SUGCT: variants seen among roughly 807,000 people sequenced by gnomAD.
SUGCT encodes the protein succinyl-CoA:glutarate CoA-transferase.
Under a neutral mutation model 55.0 loss-of-function variants are expected in SUGCT, and 41 were observed. The observed-to-expected ratio is 0.74, with a 90% CI of 0.58 to 0.97. The LOEUF is 0.97. SUGCT is among the 50% of genes least tolerant of loss of function. The pLI, the probability that SUGCT is intolerant of heterozygous loss-of-function variation, is 0.00. For synonymous variants in SUGCT, 187 were observed against 200.4 expected, an observed-to-expected ratio of 0.93 and a Z score of 0.56; for missense variants, 568 against 547.8, an observed-to-expected ratio of 1.04 and a Z score of -0.37.
chr7:40,402,525 C>G (rs1786132362), intron 9 of SUGCT, among the ~76,000 whole-genome samples: 1 of 151,616 alleles, frequency 6.6e-6, no homozygotes, highest in African/African-American at 2.4e-5. Context: ...AAATAAATCC[C>G]CTTAACAATA....
intron 1 of SUGCT, among the ~76,000 whole-genome samples, chr7:40,151,130 A>T (rs1288306089): frequency 1.3e-5 from 2 of 151,946 alleles, no homozygotes; most frequent in East Asian, 3.9e-4. Flanking sequence ...GTACCAGCTA[A>T]TTGGGAGGCT....
chr7:40,535,038 T>A (rs904261942), intron 12 of SUGCT, among the ~76,000 whole-genome samples: 2 of 152,180 alleles, frequency 1.3e-5, no homozygotes, highest in African/African-American at 4.8e-5. Context: ...TTGCATTCAA[T>A]TAAATATAAT....
the SUGCT span, among the ~76,000 whole-genome samples, chr7:40,945,879 A>C: frequency 6.6e-6 from 1 of 152,156 alleles, no homozygotes; most frequent in Non-Finnish European, 1.5e-5. Flanking sequence ...TGCAAGGGTT[A>C]CAGTAATGTG....
At chr7:40,472,960 A>T (rs1232579377) in intron 11 of SUGCT, among the ~76,000 whole-genome samples, 2 of 152,170 alleles carry the variant, frequency 1.3e-5, no homozygotes, top group Admixed American at 6.5e-5. Context: ...ACTTCTTTTC[A>T]GTTGTAGTTT....
chr7:40,238,119 T>C (rs544978235), intron 7 of SUGCT, among the ~76,000 whole-genome samples: 1 of 152,186 alleles, frequency 6.6e-6, no homozygotes, highest in South Asian at 2.1e-4. Flanking sequence ...AGACCACGGA[T>C]GTCCATTTCT....
chr7:40,977,089 C>T, the SUGCT span, among the ~76,000 whole-genome samples: 2 of 152,200 alleles, frequency 1.3e-5, no homozygotes, highest in Non-Finnish European at 2.9e-5. Context: ...AATGTTTTCA[C>T]CTTCTGTACT....
chr7:40,231,536 A>G (rs575331846), intron 6 of SUGCT, among the ~76,000 whole-genome samples: 29 of 152,320 alleles, frequency 1.9e-4, no homozygotes, highest in African/African-American at 7.0e-4. Context: ...AGGATGTAGT[A>G]GCAAGCCATG....
chr7:41,008,368 C>T, the SUGCT span, among the ~76,000 whole-genome samples: 1 of 152,196 alleles, frequency 6.6e-6, no homozygotes, highest in African/African-American at 2.4e-5. Context: ...CTGGAGGAAC[C>T]TCCTGGCTCC....
chr7:40,589,059 T>G (rs1055405867), intron 12 of SUGCT, among the ~76,000 whole-genome samples: 19 of 152,128 alleles, frequency 1.2e-4, no homozygotes, highest in African/African-American at 4.6e-4. Context: ...AATAAAATTT[T>G]TTCTAAACTG....
At chr7:40,532,761 T>C (rs1220857665) in intron 12 of SUGCT, among the ~76,000 whole-genome samples, 2 of 152,184 alleles carry the variant, frequency 1.3e-5, no homozygotes, top group African/African-American at 4.8e-5. Flanking sequence ...GATTCCATTA[T>C]GTCATCCAAA....
intron 10 of SUGCT, among the ~76,000 whole-genome samples, chr7:40,452,748 G>A (rs1789259230): frequency 6.6e-6 from 1 of 152,172 alleles, no homozygotes; most frequent in Non-Finnish European, 1.5e-5. Context: ...CCTTGCTCAT[G>A]TGCACTTAAT....
rs1306637817 is a variant in SUGCT at position 40,749,447 on chromosome 7, G to A, written c.1103G>A (p.Gly368Asp). 18 of 1,613,642 alleles carry A rather than the reference G, an allele frequency of 1.1e-5. No individual in the cohort carries two copies. Among genetic ancestry groups the A allele is most frequent in the Non-Finnish European group, 1.4e-5 (17 of 1,179,688 alleles). ...TTGCCTTTTCAGGTATTACACAATG[G>A]CCTCGTTATGGAGATGGAGCATCCA... ...VFAEPQVLHN[G>D]LVMEMEHPTV... Residue 368 changes from glycine (G) to aspartate (D), a missense_variant, in exon 13 of 14, where the codon GGC becomes GAC. Physicochemically the swap from Gly to Asp is moderately conservative, Grantham distance 94 (BLOSUM62 -1). Coordinates refer to ENST00000335693, the MANE Select transcript of SUGCT (RefSeq NM_001193313.2).
chr7:40,448,864 A>G (rs997954156), intron 9 of SUGCT, among the ~76,000 whole-genome samples: 1 of 151,878 alleles, frequency 6.6e-6, no homozygotes, highest in Non-Finnish European at 1.5e-5. Flanking sequence ...ACATACACAC[A>G]CACACACTCA....
At chr7:40,950,653 GT>G in the SUGCT span, among the ~76,000 whole-genome samples, 2 of 152,086 alleles carry the variant, frequency 1.3e-5, no homozygotes, top group African/African-American at 4.8e-5. Flanking sequence ...TTTATTGAGA[GT>G]TTTTAACATG....
chr7:40,846,344 T>C lies in SUGCT; in HGVS notation c.1154-13972T>C, dbSNP rs548519519. 1.0e-4 allele frequency among the ~76,000 whole-genome samples: 15 copies of C among 149,630 alleles called. No homozygotes were observed. The South Asian group carries it at 3.2e-3, about 32-fold the overall frequency. ...ACCCTTTTGAGTATTCGTGAGTGTCTAAAATAATGACACGCAAACACTAGT... is the reference window on the plus strand; with the variant it reads ...ACCCTTTTGAGTATTCGTGAGTGTCCAAAATAATGACACGCAAACACTAGT... On this transcript the variant is annotated intron_variant, in intron 13 of 13. Coordinates refer to ENST00000335693, the MANE Select transcript of SUGCT (RefSeq NM_001193313.2).
intron 11 of SUGCT, among the ~76,000 whole-genome samples, chr7:40,462,631 A>G (rs553122904): frequency 7.9e-5 from 12 of 152,250 alleles, no homozygotes; most frequent in East Asian, 1.9e-4. Flanking sequence ...GAAGTGGTCT[A>G]TGCTTCTCCA....
intron 12 of SUGCT, among the ~76,000 whole-genome samples, chr7:40,575,123 G>GT (rs1161165047): frequency 2.1e-5 from 3 of 143,832 alleles, no homozygotes; most frequent in Non-Finnish European, 4.4e-5. Flanking sequence ...GGGTGGCGGG[G>GT]GTGGGGGTGG....
chr7:40,401,208 G>A (rs1452193121), intron 9 of SUGCT, among the ~76,000 whole-genome samples: 3 of 152,084 alleles, frequency 2.0e-5, no homozygotes, highest in Non-Finnish European at 4.4e-5. Context: ...AATATTTACT[G>A]TCATTACAAG....
the SUGCT span, among the ~76,000 whole-genome samples, chr7:40,881,358 T>C: frequency 6.6e-6 from 1 of 152,198 alleles, no homozygotes; most frequent in Non-Finnish European, 1.5e-5. Context: ...ATATTTGTGT[T>C]CCATTCATTA....
Sources: allele counts gnomAD v4.1 joint callset (sites outside exome capture counted in the v4.1 genomes callset), GRCh38; gene constraint gnomAD v4.1.1; transcripts MANE v1.5; gene names NCBI Gene and HGNC (gene_info 2026-07-23, HGNC 2026-07-21).